Variants in PCNX1 observed in about 807,000 individuals in gnomAD.
PCNX1 encodes the protein pecanex-like protein 1.
A neutral mutation model predicts 242.2 loss-of-function variants in PCNX1; 78 were observed. That is an observed-to-expected ratio of 0.32 (90% CI 0.27 to 0.39). The LOEUF is 0.39. Ranked by LOEUF, PCNX1 falls within the 10% of genes least tolerant of loss-of-function variation. PCNX1 has a pLI of 1.00. For synonymous variants in PCNX1, 1,024 were observed against 1,032.9 expected (o/e 0.99, Z 0.17); for missense variants, 2,581 against 2,856.5 (o/e 0.90, Z 2.20).
intron 26 of PCNX1, among the ~76,000 whole-genome samples, chr14:71,068,863 G>T (rs2141372576): frequency 6.6e-6 from 1 of 151,808 alleles, no homozygotes; most frequent in East Asian, 1.9e-4. Flanking sequence ...AATTTTGCTT[G>T]TGCCTATAGA....
chr14:70,988,466 A>AC, intron 6 of PCNX1, 101 bp from the exon 7 acceptor site: 1 of 1,207,906 alleles, frequency 8.3e-7, no homozygotes, highest in Non-Finnish European at 1.2e-6. Context: ...TAATAAGTTC[A>AC]CTTTACCCAT....
chr14:70,995,012 G>A (rs962653147), intron 7 of PCNX1, among the ~76,000 whole-genome samples: 1 of 152,074 alleles, frequency 6.6e-6, no homozygotes, highest in Non-Finnish European at 1.5e-5. Context: ...CTGGAATATG[G>A]TTTGGAAGAA....
At chr14:71,023,048 G>A in intron 12 of PCNX1, 152 bp from the exon 13 acceptor site, 1 of 642,224 alleles carries the variant, frequency 1.6e-6, no homozygotes, top group Non-Finnish European at 2.8e-6. Flanking sequence ...ATCTGGAGCT[G>A]ATGTTTCATC....
intron 11 of PCNX1, among the ~76,000 whole-genome samples, chr14:71,014,128 A>G (rs977792876): frequency 2.0e-5 from 3 of 152,196 alleles, no homozygotes; most frequent in Non-Finnish European, 4.4e-5. Flanking sequence ...CAGATTGGAG[A>G]CATTTATGGT....
At chr14:70,949,146 A>ATGTGTATATATACACATATACACATATG (rs1566607699) in intron 2 of PCNX1, among the ~76,000 whole-genome samples, 4 of 48,260 alleles carry the variant, frequency 8.3e-5, no homozygotes, top group Non-Finnish European at 2.2e-4. Context: ...ACACATATGT[A>ATGTGTATATATACACATATACACATATG]TATGTGTATA....
chr14:70,949,275 ACGTG>A (rs1360295584), intron 2 of PCNX1, among the ~76,000 whole-genome samples: 423 of 38,294 alleles, frequency 0.011, 1 homozygote, highest in Non-Finnish European at 0.026. Flanking sequence ...GTATGCACAC[ACGTG>A]TATACACACA....
At chr14:70,969,326 T>C (rs1244562375) in intron 5 of PCNX1, 2 of 450,256 alleles carry the variant, frequency 4.4e-6, no homozygotes, top group Non-Finnish European at 8.0e-6. Flanking sequence ...CAGATAAACA[T>C]GGAGAGAGAA....
chr14:70,917,274 G>A (rs142485137), intron 1 of PCNX1, among the ~76,000 whole-genome samples: 2 of 152,210 alleles, frequency 1.3e-5, no homozygotes, highest in African/African-American at 2.4e-5. Flanking sequence ...GTTCTTAATG[G>A]CATCTAGAAT....
At position 71,043,479 on chromosome 14, in the gene PCNX1, C is replaced by T. The variant is rs73295546; in HGVS notation, c.3868-1654C>T. ...TCACATATATCATGTAAGCTTTTCC[C>T]TCCCTCCTTCCCTCTCTCCCTCCCT... On this transcript the variant is annotated intron_variant, in intron 19 of 35. Transcript: ENST00000304743. 3.6e-3 allele frequency among the ~76,000 whole-genome samples: 547 copies of T among 151,566 alleles called. 3 individuals carry two copies. The highest frequency in any genetic ancestry group is 0.013 in the African/African-American group (526 of 41,282).
At position 71,050,654 on chromosome 14, in the gene PCNX1, T is replaced by C; in HGVS notation, c.4341T>C (p.Leu1447=). 6.3e-7 allele frequency: 1 copy of C among 1,591,306 alleles called. No homozygotes were observed. Among genetic ancestry groups the C allele is most frequent in the Non-Finnish European group, 8.5e-7 (1 of 1,170,658 alleles). ...CAGCCATTCTTTTCCTCCTGCAGCT[T>C]TGGGAACTACTTTATAAATTGCAGT... ...LFFMSILFNK[L]WELLYKLQFV... The change falls in exon 23 of 36, where the codon CTT becomes CTC. Residue 1447 remains leucine (L), a splice_region_variant and synonymous_variant. Coordinates refer to ENST00000304743, the MANE Select transcript of PCNX1 (RefSeq NM_014982.3).
At chr14:70,971,485 T>C (rs7147862) in intron 5 of PCNX1, among the ~76,000 whole-genome samples, 1 of 151,966 alleles carries the variant, frequency 6.6e-6, no homozygotes, top group Non-Finnish European at 1.5e-5. Context: ...CATTTTTCCA[T>C]ATGTTTAACA....
chr14:71,019,382 A>T (rs2060037392), intron 12 of PCNX1, among the ~76,000 whole-genome samples: 1 of 152,114 alleles, frequency 6.6e-6, no homozygotes, highest in Non-Finnish European at 1.5e-5. Flanking sequence ...GTATTAAAAG[A>T]AAACTGTGTT....
At chr14:71,098,553 T>TGTGTGTGTGTGTGTGAGA (rs60367565) in intron 30 of PCNX1, among the ~76,000 whole-genome samples, 95 of 125,726 alleles carry the variant, frequency 7.6e-4, no homozygotes, top group Admixed American at 1.1e-3. Flanking sequence ...TGTGTGTGTG[T>TGTGTGTGTGTGTGTGAGA]GAGAGAGAGA....
intron 30 of PCNX1, chr14:71,092,814 C>T (rs1432527406): frequency 2.0e-5 from 3 of 152,102 alleles, no homozygotes; most frequent in Non-Finnish European, 2.9e-5. Flanking sequence ...AGATAAACAC[C>T]AACTGCTATT....
intron 16 of PCNX1, among the ~76,000 whole-genome samples, chr14:71,029,433 ATCCT>A (rs1353336566): frequency 6.6e-6 from 1 of 152,156 alleles, no homozygotes; most frequent in Admixed American, 6.5e-5. Context: ...TGACTCACAG[ATCCT>A]TCCTTGCCTC....
intron 1 of PCNX1, among the ~76,000 whole-genome samples, chr14:70,925,113 C>A (rs950615989): frequency 2.0e-5 from 3 of 151,838 alleles, no homozygotes; most frequent in African/African-American, 7.3e-5. Flanking sequence ...CTCAGACTCC[C>A]GAGTAGCTGG....
intron 3 of PCNX1, 134 bp downstream of exon 3, chr14:70,962,465 A>ATC: frequency 1.8e-6 from 1 of 566,830 alleles, no homozygotes; most frequent in East Asian, 2.9e-5. Flanking sequence ...TATTAATAAC[A>ATC]TCTTTTATTA....
At chr14:70,964,176 C>G (rs1422732646) in intron 3 of PCNX1, among the ~76,000 whole-genome samples, 1 of 152,150 alleles carries the variant, frequency 6.6e-6, no homozygotes, top group African/African-American at 2.4e-5. Context: ...AAGCTGTTCT[C>G]GTGCCTCAGC....
intron 26 of PCNX1, among the ~76,000 whole-genome samples, chr14:71,060,382 A>G (rs983976250): frequency 2.0e-5 from 3 of 149,516 alleles, no homozygotes; most frequent in Admixed American, 2.0e-4. Flanking sequence ...TTGTACTTAG[A>G]AAAAAAAGTT....
Sources: allele counts gnomAD v4.1 joint callset (sites outside exome capture counted in the v4.1 genomes callset), GRCh38; gene constraint gnomAD v4.1.1; transcripts MANE v1.5; gene names NCBI Gene and HGNC (gene_info 2026-07-23, HGNC 2026-07-21).